The following PLEKHD1 variants were observed in gnomAD, a reference collection of about 807,000 sequenced individuals.
The protein encoded by PLEKHD1 is pleckstrin homology domain-containing family D member 1.
PLEKHD1 carries 51 observed loss-of-function variants against 69.2 expected under a neutral mutation model. The observed-to-expected ratio is 0.74, with a 90% CI of 0.59 to 0.93. PLEKHD1 has a LOEUF of 0.93. Among genes scored for constraint, PLEKHD1 ranks in the 40% least tolerant of loss-of-function variants. PLEKHD1 has a pLI of 0.00. For missense variants in PLEKHD1, 584 were observed against 641.0 expected, an observed-to-expected ratio of 0.91 and a Z score of 0.96; for synonymous variants, 236 against 244.7, an observed-to-expected ratio of 0.96 and a Z score of 0.33.
intron 1 of PLEKHD1, among the ~76,000 whole-genome samples, chr14:69,486,016 T>C (rs1484046096): frequency 6.6e-6 from 1 of 152,214 alleles, no homozygotes; most frequent in Non-Finnish European, 1.5e-5. Context: ...CTGTGGGCCA[T>C]TTTCTGGACA....
intron 1 of PLEKHD1, among the ~76,000 whole-genome samples, chr14:69,488,170 A>G (rs994114755): frequency 1.3e-5 from 2 of 152,194 alleles, no homozygotes; most frequent in African/African-American, 4.8e-5. Flanking sequence ...CAGTGGAGCC[A>G]TGGAGACAGT....
rs529039244 is a variant in PLEKHD1, at chr14:69,495,828, C to T, written c.150-4287C>T. ...CTTTGACATGGACCCATGCCCACTC[C>T]CAATTCCCCCTAACCTGCTTTATTT... On this transcript the variant is annotated intron_variant, in intron 1 of 12. Transcript: ENST00000322564. Among the ~76,000 whole-genome samples the T allele has an allele frequency of 3.9e-5, 6 of 152,324 alleles. No homozygotes were observed. In the South Asian group the frequency reaches 1.2e-3, roughly 32 times the overall value.
intron 8 of PLEKHD1, among the ~76,000 whole-genome samples, chr14:69,525,259 T>C (rs554961065): frequency 6.6e-6 from 1 of 152,280 alleles, no homozygotes; most frequent in African/African-American, 2.4e-5. Flanking sequence ...GTATGGCCCA[T>C]ACCTGTGCTG....
chr14:69,482,579 C>T (rs1440742805), upstream of PLEKHD1, among the ~76,000 whole-genome samples: 2 of 152,218 alleles, frequency 1.3e-5, no homozygotes, highest in East Asian at 3.8e-4. Context: ...GTGGTACCCA[C>T]CACACATGCT....
In PLEKHD1 at chr14:69,528,627, G is replaced by A; in HGVS notation, c.*208G>A. On this transcript the variant is annotated 3_prime_UTR_variant, in exon 13 of 13. Coordinates refer to ENST00000322564, the MANE Select transcript of PLEKHD1 (RefSeq NM_001161498.2). ...CATCCTCACCCCACACCCCACCTTT[G>A]GGTCCACACCAGGGCCATGCAGGCC... 1.5e-6 allele frequency: 1 copy of A among 681,302 alleles called. No individual in the cohort carries two copies. Among genetic ancestry groups the A allele is most frequent in the Admixed American group, 3.0e-5 (1 of 33,656 alleles). The allele number at this position is 681,302 out of a possible 1,614,324, so 42.2% of individuals were successfully genotyped here.
At chr14:69,475,979 C>T in the PLEKHD1 span, among the ~76,000 whole-genome samples, 5 of 152,218 alleles carry the variant, frequency 3.3e-5, no homozygotes, top group South Asian at 2.1e-4. Context: ...GCATCACTGC[C>T]GGGTGGAATG....
chr14:69,475,410 A>G, the PLEKHD1 span, among the ~76,000 whole-genome samples: 25,642 of 152,188 alleles, frequency 0.17, 2,490 homozygotes, highest in Middle Eastern at 0.27. Flanking sequence ...CCAAGAGCTA[A>G]TGTTAGTGCG....
At position 69,524,284 on chromosome 14, in the gene PLEKHD1, C is replaced by G. The variant is rs1354393360; in HGVS notation, c.706C>G (p.Leu236Val). 5 of 1,551,488 alleles carry G rather than the reference C, an allele frequency of 3.2e-6. 1 individual carries two copies. The highest frequency in any genetic ancestry group is 2.4e-5 in the South Asian group (2 of 84,066). ...GGGTGTAGAACAAGAGAAAAAGGAA[C>G]TGAGGCACCTCACGGAGTCCTTGCA... Reference protein sequence around the residue: ...LKGVEQEKKELRHLTESLQQT... With the variant: ...LKGVEQEKKEVRHLTESLQQT... The change falls in exon 8 of 13, where the codon CTG becomes GTG. Residue 236 changes from leucine to valine, a missense_variant. By Grantham distance (32) the Leu-to-Val change is conservative. Coordinates refer to ENST00000322564, the MANE Select transcript of PLEKHD1 (RefSeq NM_001161498.2).
chr14:69,468,629 G>A, the PLEKHD1 span, among the ~76,000 whole-genome samples: 6 of 151,686 alleles, frequency 4.0e-5, no homozygotes, highest in Non-Finnish European at 8.8e-5. Flanking sequence ...TGGAGGGGCA[G>A]TGGTGCAATC....
At chr14:69,522,605 T>C (rs1883542880) in intron 7 of PLEKHD1, among the ~76,000 whole-genome samples, 1 of 152,020 alleles carries the variant, frequency 6.6e-6, no homozygotes, top group Non-Finnish European at 1.5e-5. Context: ...TTCTACCCAC[T>C]AGAGCATAAG....
At chr14:69,471,476 C>T in the PLEKHD1 span, among the ~76,000 whole-genome samples, 1 of 152,032 alleles carries the variant, frequency 6.6e-6, no homozygotes, top group East Asian at 1.9e-4. Flanking sequence ...CATTCTGGCT[C>T]CTGAGTCCAC....
intron 6 of PLEKHD1, among the ~76,000 whole-genome samples, chr14:69,520,166 CAAAAAAAAAA>C (rs761343645): frequency 3.4e-4 from 7 of 20,512 alleles, no homozygotes; most frequent in South Asian, 5.1e-3. Context: ...GACTCTGTCT[CAAAAAAAAAA>C]AAAAAAAAAA....
Position 69,528,387 on chromosome 14 carries a change from G to GC in PLEKHD1, c.1494dup (p.Ser499LeufsTer88). ...CCACATCATGGCCACCCAGCCTGGA[G>GC]CCCCCTCGGCACTCTCCCGGGGTGG... On this transcript the variant is annotated frameshift_variant, in exon 13 of 13. Transcript: ENST00000322564. LOFTEE classifies it high-confidence loss of function. 4 of 1,551,360 alleles carry GC rather than the reference G, an allele frequency of 2.6e-6. No homozygotes were observed. Among genetic ancestry groups the GC allele is most frequent in the Non-Finnish European group, 2.6e-6 (3 of 1,146,974 alleles).
chr14:69,498,309 C>A (rs186869830), intron 1 of PLEKHD1, among the ~76,000 whole-genome samples: 18 of 152,098 alleles, frequency 1.2e-4, no homozygotes, highest in Admixed American at 3.9e-4. Context: ...AAACTCCTGA[C>A]TTCAAGTGAT....
Position 69,492,565 on chromosome 14 carries a change from G to A in PLEKHD1, c.149+7451G>A, listed in dbSNP as rs191761011. Among the ~76,000 whole-genome samples, 378 of 152,218 alleles carry A rather than the reference G, an allele frequency of 2.5e-3. 3 individuals carry two copies. Among genetic ancestry groups the A allele is most frequent in the African/African-American group, 8.8e-3 (367 of 41,494 alleles). On this transcript the variant is annotated intron_variant, in intron 1 of 12. Transcript: ENST00000322564. ...CTACCCTGGAGCTTTACAATGTTGC[G>A]GTGTATCCTCTTGATGCTTTACAAC... is the stretch of plus-strand genomic sequence containing the variant.
chr14:69,470,735 A>G, the PLEKHD1 span, among the ~76,000 whole-genome samples: 1 of 152,064 alleles, frequency 6.6e-6, no homozygotes, highest in Non-Finnish European at 1.5e-5. Context: ...TCAGTGAGCT[A>G]TGTGCTACAA....
rs1278765630 is a variant in PLEKHD1 at position 69,530,272 on chromosome 14, GT to G, written c.*1854del. The G allele has an allele frequency of 1.3e-5, 2 of 152,304 alleles. No individual in the cohort carries two copies. Among genetic ancestry groups the G allele is most frequent in the African/African-American group, 2.4e-5 (1 of 41,456 alleles). 9.4% of individuals were successfully genotyped at this position (152,304 alleles called of 1,614,324 possible). A position where few individuals can be genotyped will look rare whatever the true frequency, so the allele number is the denominator to read the frequency against. On this transcript the variant is annotated 3_prime_UTR_variant, in exon 13 of 13. Coordinates refer to ENST00000322564, the MANE Select transcript of PLEKHD1 (RefSeq NM_001161498.2). ...AAACTAATCTCAGTGGTTCCTTTCA[GT>G]GATGGGTGGACTTTGGTGGCTTCAT...
chr14:69,524,158 C>A, intron 7 of PLEKHD1, 71 bp from the exon 8 acceptor site: 1 of 1,260,840 alleles, frequency 7.9e-7, no homozygotes, highest in Non-Finnish European at 1.1e-6. Flanking sequence ...AAAAGCATTT[C>A]TAAGTGCAGA....
At chr14:69,476,860 C>A in the PLEKHD1 span, among the ~76,000 whole-genome samples, 1 of 152,216 alleles carries the variant, frequency 6.6e-6, no homozygotes, top group African/African-American at 2.4e-5. Flanking sequence ...GGGCAATTTA[C>A]AAAAGAAAGA....
Sources: allele counts gnomAD v4.1 joint callset (sites outside exome capture counted in the v4.1 genomes callset), GRCh38; gene constraint gnomAD v4.1.1; transcripts MANE v1.5; gene names NCBI Gene and HGNC (gene_info 2026-07-23, HGNC 2026-07-21).